SOS1: variants seen among roughly 807,000 people sequenced by gnomAD.
SOS1 encodes son of sevenless homolog 1.
SOS1 carries 25 observed loss-of-function variants against 157.6 expected under a neutral mutation model. The observed-to-expected ratio is 0.16, with a 90% CI of 0.12 to 0.22. SOS1 has a LOEUF of 0.22. Ranked by LOEUF, SOS1 falls within the 10% of genes least tolerant of loss-of-function variation. The probability of loss-of-function intolerance (pLI) is 1.00; values close to 1 mark genes in which losing one functional copy is unlikely to be tolerated. For missense variants in SOS1, 1,237 were observed against 1,599.1 expected (o/e 0.77, Z 3.86); for synonymous variants, 528 against 534.0 (o/e 0.99, Z 0.16).
In SOS1 at chr2:38,990,049, CAA is replaced by C. The variant is rs555382821; in HGVS notation, c.3347-737_3347-736del. The stretch of plus-strand genomic sequence containing the variant: ...TAGGTGATCTATACTGATTCTAAAT[CAA>C]TATAGTTGTTTGTTTGTACAGTGTC... On this transcript the variant is annotated intron_variant, in intron 20 of 22. Coordinates refer to ENST00000402219, the MANE Select transcript of SOS1 (RefSeq NM_005633.4). Among the ~76,000 whole-genome samples the C allele has an allele frequency of 3.2e-3, 489 of 151,924 alleles. 3 individuals carry two copies. Among genetic ancestry groups the C allele is most frequent in the Non-Finnish European group, 3.4e-3 (230 of 67,912 alleles).
chr2:39,011,933 A>G (rs1214951281), intron 14 of SOS1, among the ~76,000 whole-genome samples, 193 bp downstream of exon 14: 1 of 152,202 alleles, frequency 6.6e-6, no homozygotes, highest in African/African-American at 2.4e-5. Context: ...ACAGAAAGAC[A>G]GAAGGTGTAA....
At chr2:39,019,927 G>A (rs371088512) in intron 10 of SOS1, among the ~76,000 whole-genome samples, 129 of 151,422 alleles carry the variant, frequency 8.5e-4, no homozygotes, top group African/African-American at 3.1e-3. Flanking sequence ...TCAAACCAAG[G>A]AAGTAATTTA....
chr2:39,002,145 G>GTGAA (rs1456513899), intron 17 of SOS1, among the ~76,000 whole-genome samples: 1 of 152,040 alleles, frequency 6.6e-6, no homozygotes, highest in African/African-American at 2.4e-5. Flanking sequence ...GGCCAACATG[G>GTGAA]TGAAACCTTG....
chr2:39,076,880 T>C (rs889924764), intron 1 of SOS1, among the ~76,000 whole-genome samples: 1 of 152,132 alleles, frequency 6.6e-6, no homozygotes, highest in Non-Finnish European at 1.5e-5. Flanking sequence ...AAAGAATCTA[T>C]AGAAAAATTA....
intron 6 of SOS1, among the ~76,000 whole-genome samples, chr2:39,036,717 G>A (rs113013040): frequency 0.022 from 3,326 of 152,218 alleles, 124 homozygotes; most frequent in African/African-American, 0.074. Context: ...GGGATTACAG[G>A]CATCCGCCAC....
chr2:39,098,830 A>C (rs927435282), intron 1 of SOS1, among the ~76,000 whole-genome samples: 2 of 152,212 alleles, frequency 1.3e-5, no homozygotes, highest in East Asian at 3.8e-4. Flanking sequence ...TGGAGGTTGC[A>C]GTGAGCCAAG....
intron 1 of SOS1, among the ~76,000 whole-genome samples, chr2:39,101,799 C>A (rs1286450093): frequency 6.6e-6 from 1 of 152,034 alleles, no homozygotes; most frequent in Non-Finnish European, 1.5e-5. Flanking sequence ...CAGGTAACAC[C>A]AGGTGAAGGT....
chr2:39,115,355 ATTATT>A (rs1243068298), intron 1 of SOS1, among the ~76,000 whole-genome samples: 3 of 144,736 alleles, frequency 2.1e-5, no homozygotes, highest in Non-Finnish European at 4.5e-5. Context: ...ATTGAGTATA[ATTATT>A]TTGAGATTCA....
chr2:39,062,015 C>A (rs145017604), intron 2 of SOS1, among the ~76,000 whole-genome samples: 1 of 151,270 alleles, frequency 6.6e-6, no homozygotes, highest in African/African-American at 2.4e-5. Context: ...AAAATCAGAT[C>A]CCCACATACT....
chr2:39,110,859 G>C (rs1283233123), intron 1 of SOS1, among the ~76,000 whole-genome samples: 1 of 152,246 alleles, frequency 6.6e-6, no homozygotes, highest in East Asian at 1.9e-4. Context: ...CCAGCACTTT[G>C]GGAGGCTGAA....
At chr2:39,068,706 T>TG (rs1431797981) in intron 1 of SOS1, among the ~76,000 whole-genome samples, 1 of 152,168 alleles carries the variant, frequency 6.6e-6, no homozygotes, top group African/African-American at 2.4e-5. Context: ...TTTTTTTTTT[T>TG]TATGAAAAGT....
chr2:39,083,389 G>A (rs1243772783), intron 1 of SOS1, among the ~76,000 whole-genome samples: 1 of 152,116 alleles, frequency 6.6e-6, no homozygotes, highest in Non-Finnish European at 1.5e-5. Flanking sequence ...GTCAGGAGAA[G>A]TAATATACAA....
At chr2:39,093,176 T>C (rs1295349746) in intron 1 of SOS1, among the ~76,000 whole-genome samples, 1 of 152,224 alleles carries the variant, frequency 6.6e-6, no homozygotes, top group Non-Finnish European at 1.5e-5. Flanking sequence ...CCCCTACACA[T>C]ATAATGAAGA....
chr2:39,121,269 G>A (rs1673885338), upstream of SOS1, among the ~76,000 whole-genome samples: 1 of 152,180 alleles, frequency 6.6e-6, no homozygotes, highest in African/African-American at 2.4e-5. Context: ...CTAGGGTAAA[G>A]AGGCTCCCCA....
intron 1 of SOS1, among the ~76,000 whole-genome samples, chr2:39,119,248 G>A (rs908730657): frequency 6.6e-6 from 1 of 152,208 alleles, no homozygotes; most frequent in African/African-American, 2.4e-5. Flanking sequence ...TCAGACACTT[G>A]AAGGGGAAAA....
intron 1 of SOS1, among the ~76,000 whole-genome samples, chr2:39,105,619 C>G (rs756115274): frequency 1.1e-4 from 16 of 152,124 alleles, no homozygotes; most frequent in Admixed American, 2.6e-4. Flanking sequence ...AACCAGTGGC[C>G]AGGCCTGCTG....
intron 5 of SOS1, 101 bp from the exon 6 acceptor site, chr2:39,051,388 G>T: frequency 9.9e-7 from 1 of 1,014,570 alleles, no homozygotes; most frequent in Non-Finnish European, 1.5e-6. Flanking sequence ...AATTTAACAT[G>T]TCAGACACAG....
rs1407670687 is a variant in SOS1 at position 39,051,230 on chromosome 2, G to A, written c.778C>T (p.Leu260=). The A allele has an allele frequency of 1.2e-6, 2 of 1,612,262 alleles. No homozygotes were observed. Among genetic ancestry groups the A allele is most frequent in the Non-Finnish European group, 1.7e-6 (2 of 1,178,558 alleles). The part of the protein sequence containing the change: ...VDIHELSVKL[L]GHIEDTVEMT... ...TCTACTGTATCTTCTATATGGCCCA[G>A]TAACTTTACACTAAGTTCATGTATA... The change falls in exon 6 of 23, where the codon CTG becomes TTG. Residue 260 remains leucine (L), a synonymous_variant. Coordinates refer to ENST00000402219, the MANE Select transcript of SOS1 (RefSeq NM_005633.4).
intron 5 of SOS1, 200 bp from the exon 6 acceptor site, chr2:39,051,487 T>A: frequency 3.7e-6 from 2 of 534,532 alleles, no homozygotes; most frequent in East Asian, 3.5e-5. Flanking sequence ...TACATTTCTC[T>A]AGGTCAGTGG....
Sources: gnomAD v4.1 joint callset for allele counts (sites outside exome capture counted in the v4.1 genomes callset) on GRCh38, gnomAD v4.1.1 for gene constraint, MANE v1.5 for transcripts, NCBI Gene and HGNC (gene_info 2026-07-23, HGNC 2026-07-21) for gene names.